PTPN3: variants seen among roughly 807,000 people sequenced by gnomAD.
The protein encoded by PTPN3 is protein tyrosine phosphatase non-receptor type 3, also known as tyrosine-protein phosphatase non-receptor type 3.
Under a neutral mutation model 132.7 loss-of-function variants are expected in PTPN3, and 96 were observed. The observed-to-expected ratio is 0.72, with a 90% CI of 0.61 to 0.86. PTPN3 has a LOEUF of 0.86. Among genes scored for constraint, PTPN3 ranks in the 40% least tolerant of loss-of-function variants. PTPN3 has a pLI of 0.00. For missense variants in PTPN3, 1,125 were observed against 1,159.6 expected (o/e 0.97, Z 0.43); for synonymous variants, 398 against 429.0 (o/e 0.93, Z 0.89).
chr9:109,393,890 T>C (rs1287016751), intron 19 of PTPN3, among the ~76,000 whole-genome samples: 2 of 152,244 alleles, frequency 1.3e-5, no homozygotes, highest in Non-Finnish European at 2.9e-5. Flanking sequence ...CAGAAGATAA[T>C]TAACATAGAG....
At chr9:109,444,692 C>T (rs1429844474) in intron 7 of PTPN3, among the ~76,000 whole-genome samples, 2 of 152,052 alleles carry the variant, frequency 1.3e-5, no homozygotes, top group African/African-American at 4.8e-5. Flanking sequence ...ATATATGATT[C>T]ACATTATATT....
At chr9:109,479,173 T>A (rs539242367) in intron 1 of PTPN3, among the ~76,000 whole-genome samples, 41 of 152,282 alleles carry the variant, frequency 2.7e-4, no homozygotes, top group African/African-American at 7.7e-4. Flanking sequence ...TCTGTACCCA[T>A]TAGGCAATAA....
At chr9:109,535,205 C>T in the PTPN3 span, among the ~76,000 whole-genome samples, 2 of 152,254 alleles carry the variant, frequency 1.3e-5, no homozygotes, top group African/African-American at 2.4e-5. Context: ...ATCATTACAA[C>T]GACTTAACTG....
chr9:109,479,198 C>G (rs984035330), intron 1 of PTPN3, among the ~76,000 whole-genome samples: 1 of 152,162 alleles, frequency 6.6e-6, no homozygotes, highest in Non-Finnish European at 1.5e-5. Flanking sequence ...CCATTCACCC[C>G]TCCTCCAACT....
At chr9:109,469,565 G>A (rs774469199) in intron 1 of PTPN3, among the ~76,000 whole-genome samples, 1 of 152,204 alleles carries the variant, frequency 6.6e-6, no homozygotes, top group African/African-American at 2.4e-5. Context: ...ATTGCAATGA[G>A]CCAAGATCGC....
chr9:109,470,646 TGA>T (rs1846333334), intron 1 of PTPN3, among the ~76,000 whole-genome samples: 3 of 150,472 alleles, frequency 2.0e-5, no homozygotes, highest in Admixed American at 2.0e-4. Flanking sequence ...CAGGGAGCTA[TGA>T]CCGCACCACT....
chr9:109,492,808 T>C (rs1847521109), intron 1 of PTPN3, among the ~76,000 whole-genome samples: 1 of 152,216 alleles, frequency 6.6e-6, no homozygotes. Flanking sequence ...AACAAATTGC[T>C]GTGACCCTAA....
At chr9:109,422,931 C>T in intron 12 of PTPN3, 79 bp from the exon 13 acceptor site, 1 of 1,518,142 alleles carries the variant, frequency 6.6e-7, no homozygotes, top group Non-Finnish European at 9.1e-7. Context: ...AAACAGTCTA[C>T]ACATGCTTCT....
At chr9:109,422,586 C>G (rs527469941) in intron 13 of PTPN3, 132 bp downstream of exon 13, 1 of 1,072,162 alleles carries the variant, frequency 9.3e-7, no homozygotes, top group Admixed American at 2.9e-5. Flanking sequence ...AAAACAGTTA[C>G]TTCTGCCAAG....
At chr9:109,392,023 G>GA (rs1840165196) in intron 19 of PTPN3, among the ~76,000 whole-genome samples, 1 of 151,938 alleles carries the variant, frequency 6.6e-6, no homozygotes, top group African/African-American at 2.4e-5. Context: ...ATTTCCACAG[G>GA]AAAAACATTT....
At chr9:109,425,972 C>T (rs915963423) in intron 12 of PTPN3, among the ~76,000 whole-genome samples, 3 of 148,502 alleles carry the variant, frequency 2.0e-5, no homozygotes, top group Admixed American at 6.7e-5. Flanking sequence ...CAAGATGGCA[C>T]CACTACACTC....
chr9:109,460,216 G>A (rs1405904018), intron 2 of PTPN3, among the ~76,000 whole-genome samples: 2 of 152,110 alleles, frequency 1.3e-5, no homozygotes, highest in Non-Finnish European at 2.9e-5. Flanking sequence ...TTCACCTTGA[G>A]GCCTCCTGTT....
intron 14 of PTPN3, 65 bp downstream of exon 14, chr9:109,420,359 C>A: frequency 6.7e-7 from 1 of 1,503,386 alleles, no homozygotes; most frequent in Non-Finnish European, 9.0e-7. Context: ...GCAACCTGGA[C>A]CTGAGCAAAT....
intron 1 of PTPN3, among the ~76,000 whole-genome samples, chr9:109,484,011 C>A (rs993584929): frequency 6.6e-6 from 1 of 152,182 alleles, no homozygotes; most frequent in African/African-American, 2.4e-5. Flanking sequence ...TGACAGGCTG[C>A]GTTCTCCACT....
rs1417657894 is a variant in PTPN3 at position 109,406,649 on chromosome 9, GT to G, written c.1636-32del. The G allele has an allele frequency of 3.1e-6, 5 of 1,612,472 alleles. No individual in the cohort carries two copies. The African/African-American group carries it at 6.7e-5, about 21-fold the overall frequency. On this transcript the variant is annotated intron_variant, in intron 17 of 25. Coordinates refer to ENST00000374541, the MANE Select transcript of PTPN3 (RefSeq NM_002829.4). ...TGGTGGGGAAAAGCGAGTTTCTCCT[GT>G]TACCATAACACAGTCCTTGGGGGAA...
intron 5 of PTPN3, 44 bp from the exon 6 acceptor site, chr9:109,448,899 AAGC>A: frequency 6.5e-7 from 1 of 1,531,908 alleles, no homozygotes; most frequent in Non-Finnish European, 8.7e-7. Flanking sequence ...AAACTGAAAT[AAGC>A]AAAAAAAAAA....
At position 109,404,544 on chromosome 9, in the gene PTPN3, A is replaced by G; in HGVS notation, c.1857T>C (p.Ile619=). 1.3e-6 allele frequency: 2 copies of G among 1,569,524 alleles called. No individual in the cohort carries two copies. Among genetic ancestry groups the G allele is most frequent in the South Asian group, 1.2e-5 (1 of 82,144 alleles). The change falls in exon 19 of 26, where the codon ATT becomes ATC. Residue 619 remains isoleucine, a synonymous_variant. Coordinates refer to ENST00000374541, the MANE Select transcript of PTPN3 (RefSeq NM_002829.4). ...DELNQLFPEA[I]FPMCPEGGDT... is the part of the protein sequence containing the mutation. ...CCCCACCCTCCGGACACATGGGGAA[A>G]ATGGCTTCGGGGAAAAGCTGGTTCA...
At chr9:109,479,776 G>A (rs560470662) in intron 1 of PTPN3, among the ~76,000 whole-genome samples, 7 of 152,114 alleles carry the variant, frequency 4.6e-5, no homozygotes, top group South Asian at 4.2e-4. Flanking sequence ...ACTGGGTTTC[G>A]CCCTGTTGCC....
At chr9:109,382,526 G>A (rs536163823) in intron 23 of PTPN3, 79 bp from the exon 24 acceptor site, 1 of 1,520,252 alleles carries the variant, frequency 6.6e-7, no homozygotes, top group Non-Finnish European at 9.1e-7. Context: ...GACACAGGGT[G>A]GCCCTGTCTC....
Sources: allele counts gnomAD v4.1 joint callset (sites outside exome capture counted in the v4.1 genomes callset), GRCh38; gene constraint gnomAD v4.1.1; transcripts MANE v1.5; gene names NCBI Gene and HGNC (gene_info 2026-07-23, HGNC 2026-07-21).